NUP93: variants seen among roughly 807,000 people sequenced by gnomAD.
NUP93 encodes nuclear pore complex protein Nup93.
Under a neutral mutation model 107.8 loss-of-function variants are expected in NUP93, and 55 were observed. The observed-to-expected ratio is 0.51, with a 90% CI of 0.41 to 0.64. The LOEUF (loss-of-function observed/expected upper bound fraction) is 0.64, where lower values mean the gene tolerates loss of function less well. Ranked by LOEUF, NUP93 falls within the 30% of genes least tolerant of loss-of-function variation. NUP93 has a pLI of 0.00. For missense variants in NUP93, 937 were observed against 1,044.7 expected (o/e 0.90, Z 1.42); for synonymous variants, 390 against 397.5 (o/e 0.98, Z 0.22).
chr16:56,810,726 T>C (rs1338205411), intron 5 of NUP93, among the ~76,000 whole-genome samples: 1 of 151,986 alleles, frequency 6.6e-6, no homozygotes, highest in African/African-American at 2.4e-5. Context: ...AAACAGAACA[T>C]TACCAGCGCC....
At chr16:56,731,186 CT>C (rs1961528845) in intron 1 of NUP93, among the ~76,000 whole-genome samples, 2 of 152,124 alleles carry the variant, frequency 1.3e-5, no homozygotes, top group African/African-American at 2.4e-5. Context: ...GGTCTCACCC[CT>C]GACTTTTATC....
Position 56,814,443 on chromosome 16 carries a change from G to A in NUP93, c.490-4221G>A, listed in dbSNP as rs145925714. Among the ~76,000 whole-genome samples the A allele has an allele frequency of 2.8e-3, 427 of 152,274 alleles. 4 individuals carry two copies. The highest frequency in any genetic ancestry group is 9.3e-3 in the African/African-American group (385 of 41,550). ...GGACTCAAGTGATCCGCCTGCCTCA[G>A]CCTCCCAAAGTGCTGAGATTATAGG... On this transcript the variant is annotated intron_variant, in intron 5 of 21. Transcript: ENST00000308159.
At chr16:56,784,312 T>A (rs1962579293) in intron 3 of NUP93, among the ~76,000 whole-genome samples, 1 of 152,232 alleles carries the variant, frequency 6.6e-6, no homozygotes. Context: ...ATGAAAATGC[T>A]TCCGGGTTAA....
At chr16:56,823,905 T>G in intron 8 of NUP93, 59 bp downstream of exon 8, 4 of 1,588,782 alleles carry the variant, frequency 2.5e-6, no homozygotes, top group Non-Finnish European at 3.4e-6. Context: ...CAACTGTTTC[T>G]CAGATCTTAA....
chr16:56,836,579 C>G, intron 16 of NUP93, 22 bp from the exon 17 acceptor site: 4 of 1,394,744 alleles, frequency 2.9e-6, no homozygotes, highest in Non-Finnish European at 4.1e-6. Context: ...TCTTCCTCCC[C>G]CTCCATAATT....
At chr16:56,803,620 A>G (rs1169451655) in intron 4 of NUP93, among the ~76,000 whole-genome samples, 1 of 152,114 alleles carries the variant, frequency 6.6e-6, no homozygotes, top group African/African-American at 2.4e-5. Context: ...TTTTATAAAG[A>G]TGTTTATATT....
chr16:56,787,459 C>G (rs184126735), intron 3 of NUP93, among the ~76,000 whole-genome samples: 16 of 152,306 alleles, frequency 1.1e-4, no homozygotes, highest in Middle Eastern at 3.4e-3. Context: ...TAATCCTGAG[C>G]GCTGTAGAAA....
At chr16:56,739,726 C>T (rs1597100012) in intron 1 of NUP93, among the ~76,000 whole-genome samples, 114 of 102,820 alleles carry the variant, frequency 1.1e-3, no homozygotes, top group East Asian at 6.0e-3. Context: ...GGGGGGCCGA[C>T]CCCCCCACCT....
At chr16:56,823,675 G>A (rs1287380613) in intron 7 of NUP93, 32 bp from the exon 8 acceptor site, 1 of 1,610,508 alleles carries the variant, frequency 6.2e-7, no homozygotes, top group Non-Finnish European at 8.5e-7. Context: ...TGGCCCTGCA[G>A]CATTGTCACA....
chr16:56,837,727 G>A lies in NUP93; in HGVS notation c.2018+1G>A. 2.5e-6 allele frequency: 4 copies of A among 1,611,940 alleles called. No individual in the cohort carries two copies. The highest frequency in any genetic ancestry group is 3.4e-6 in the Non-Finnish European group (4 of 1,178,456). ...ACATGGCACTCTCCATTGCCGAACG[G>A]TAAGCCAGGAGCTGGCTCCATGGGA... is the stretch of plus-strand genomic sequence containing the variant. On this transcript the variant is annotated splice_donor_variant, in intron 18 of 21. Transcript: ENST00000308159. LOFTEE classifies it high-confidence loss of function.
intron 3 of NUP93, among the ~76,000 whole-genome samples, chr16:56,791,373 A>G (rs1408338320): frequency 6.6e-6 from 1 of 152,232 alleles, no homozygotes; most frequent in African/African-American, 2.4e-5. Flanking sequence ...GGTGGGAAGG[A>G]CAGAACTGTG....
chr16:56,834,215 C>T lies in NUP93; in HGVS notation c.1625C>T (p.Thr542Met), dbSNP rs369105159. ...CTGTACACCCGGAAGTTTGAGTCCA[C>T]GGACCCAAGGGAGGCCCTCCAGTAC... ...LMLYTRKFES[T>M]DPREALQYFY... Residue 542 changes from threonine (T) to methionine (M), a missense_variant, in exon 14 of 22, where the codon ACG becomes ATG. By Grantham distance (81) the Thr-to-Met change is moderately conservative. Transcript: ENST00000308159. 38 of 1,614,052 alleles carry T rather than the reference C, an allele frequency of 2.4e-5. No homozygotes were observed. Among genetic ancestry groups the T allele is most frequent in the South Asian group, 1.2e-4 (11 of 91,080 alleles).
chr16:56,758,746 A>G (rs1334330199), intron 3 of NUP93, 91 bp downstream of exon 3: 5 of 860,516 alleles, frequency 5.8e-6, no homozygotes, highest in African/African-American at 1.7e-5. Context: ...GAGGAATTTC[A>G]GTTTTCTTTG....
chr16:56,817,074 T>G (rs1181868737), intron 5 of NUP93, among the ~76,000 whole-genome samples: 1 of 152,188 alleles, frequency 6.6e-6, no homozygotes, highest in Non-Finnish European at 1.5e-5. Flanking sequence ...GTGATCATTG[T>G]GCCAGCCAGC....
intron 4 of NUP93, 51 bp downstream of exon 4, chr16:56,798,589 TG>T: frequency 1.4e-6 from 2 of 1,430,882 alleles, no homozygotes; most frequent in Non-Finnish European, 2.0e-6. Flanking sequence ...GCAAGAGGGC[TG>T]GGCGTGGTGG....
rs1322898809 is a variant in NUP93, at chr16:56,846,189, TC to T, written c.*1581del. Reference sequence around the variant, plus strand: ...CACTTTGGGAGGCCAAGGCAGGTGATCACCTGAGATCAGGAGTTCAAGACCA... The same window carrying T: ...CACTTTGGGAGGCCAAGGCAGGTGATACCTGAGATCAGGAGTTCAAGACCA... On this transcript the variant is annotated 3_prime_UTR_variant, in exon 22 of 22. Transcript: ENST00000308159. The T allele has an allele frequency of 1.1e-5, 1 of 90,246 alleles. No individual in the cohort carries two copies. Among genetic ancestry groups the T allele is most frequent in the Non-Finnish European group, 2.7e-5 (1 of 36,434 alleles). The allele number at this position is 90,246 out of a possible 1,614,324, so 5.6% of individuals were successfully genotyped here. A position where few individuals can be genotyped will look rare whatever the true frequency, so the allele number is the denominator to read the frequency against.
intron 3 of NUP93, among the ~76,000 whole-genome samples, chr16:56,794,891 G>A (rs1349394747): frequency 7.4e-5 from 10 of 134,822 alleles, no homozygotes; most frequent in Non-Finnish European, 1.4e-4. Context: ...TCGTGCCATT[G>A]CCCTCCAGCC....
At position 56,839,581 on chromosome 16, in the gene NUP93, G is replaced by T; in HGVS notation, c.2197G>T (p.Ala733Ser). 6.2e-7 allele frequency: 1 copy of T among 1,613,974 alleles called. No homozygotes were observed. ...NQESVEERVA[A>S]FRNFSDEIRH... ...GGAAAGTGTGGAAGAGAGAGTGGCT[G>T]CCTTCAGAAATTTCAGTGATGAAGT... Residue 733 changes from alanine to serine, a missense_variant, in exon 20 of 22, where the codon GCC becomes TCC. By Grantham distance (99) the Ala-to-Ser change is moderately conservative. Transcript: ENST00000308159.
rs937099224 is a variant in NUP93 at position 56,848,505 on chromosome 16, G to A, written c.*3896G>A. On this transcript the variant is annotated 3_prime_UTR_variant, in exon 22 of 22. Transcript: ENST00000308159. ...AAATATCCCCCATTCTTTATCCTAC[G>A]CTGAATCCACAAGTCTTCCCATCTT... 13 of 152,142 alleles carry A rather than the reference G, an allele frequency of 8.5e-5. No individual in the cohort carries two copies. Among genetic ancestry groups the A allele is most frequent in the Non-Finnish European group, 1.2e-4 (8 of 68,040 alleles). The allele number at this position is 152,142 out of a possible 1,614,324, so 9.4% of individuals were successfully genotyped here. A position where few individuals can be genotyped will look rare whatever the true frequency, so the allele number is the denominator to read the frequency against.
Sources: gnomAD v4.1 joint callset for allele counts (sites outside exome capture counted in the v4.1 genomes callset) on GRCh38, gnomAD v4.1.1 for gene constraint, MANE v1.5 for transcripts, NCBI Gene and HGNC (gene_info 2026-07-23, HGNC 2026-07-21) for gene names.